Variants in VPS13B observed in about 807,000 individuals in gnomAD.
VPS13B encodes the protein intermembrane lipid transfer protein VPS13B.
VPS13B carries 285 observed loss-of-function variants against 426.4 expected under a neutral mutation model. The observed-to-expected ratio is 0.67, with a 90% CI of 0.61 to 0.74. VPS13B has a LOEUF of 0.74. VPS13B is among the 30% of genes least tolerant of loss of function. The pLI is 0.00. For synonymous variants in VPS13B, 1,676 were observed against 1,676.4 expected (o/e 1.00, Z 0.01); for missense variants, 4,537 against 4,782.6 (o/e 0.95, Z 1.51).
At chr8:99,871,160 T>C (rs1817389124) in intron 60 of VPS13B, 4 of 598,990 alleles carry the variant, frequency 6.7e-6, no homozygotes, top group Non-Finnish European at 1.2e-5. Context: ...CTAGAGGGCC[T>C]GAGATTCCCT....
chr8:99,450,689 G>A (rs1188222910), intron 23 of VPS13B, among the ~76,000 whole-genome samples: 1 of 152,050 alleles, frequency 6.6e-6, no homozygotes, highest in East Asian at 1.9e-4. Flanking sequence ...CTCCAGCCTG[G>A]TGACAGAGCA....
intron 39 of VPS13B, among the ~76,000 whole-genome samples, chr8:99,725,682 C>T (rs1287482621): frequency 1.3e-5 from 2 of 152,218 alleles, no homozygotes; most frequent in Admixed American, 1.3e-4. Context: ...TGTTTCATAT[C>T]ATTCAAAAGT....
chr8:99,397,379 G>A (rs1428171675), intron 21 of VPS13B, among the ~76,000 whole-genome samples: 2 of 152,088 alleles, frequency 1.3e-5, no homozygotes, highest in East Asian at 1.9e-4. Context: ...TCTTGACCTC[G>A]TGATCTGCCC....
chr8:99,637,580 C>T (rs1048296757), intron 33 of VPS13B, among the ~76,000 whole-genome samples: 25 of 152,094 alleles, frequency 1.6e-4, no homozygotes, highest in African/African-American at 5.6e-4. Context: ...CATCCTGCCA[C>T]TGCTGGTTAT....
chr8:99,196,344 G>A (rs1235483471), intron 17 of VPS13B, among the ~76,000 whole-genome samples: 5 of 151,264 alleles, frequency 3.3e-5, no homozygotes, highest in African/African-American at 9.7e-5. Flanking sequence ...TTTTTGGATA[G>A]TTTTAGTTTT....
At chr8:99,269,896 A>G (rs1344040805) in intron 17 of VPS13B, among the ~76,000 whole-genome samples, 1 of 152,058 alleles carries the variant, frequency 6.6e-6, no homozygotes, top group African/African-American at 2.4e-5. Flanking sequence ...TCAAGAGATG[A>G]ATATAACTTT....
intron 61 of VPS13B, among the ~76,000 whole-genome samples, chr8:99,871,907 C>T (rs538989885): frequency 6.6e-6 from 1 of 152,344 alleles, no homozygotes; most frequent in East Asian, 1.9e-4. Context: ...TGCACATAAG[C>T]CCTGTATAGG....
At chr8:99,467,376 TTG>T in intron 23 of VPS13B, 36 bp from the exon 24 acceptor site, 4 of 1,578,050 alleles carry the variant, frequency 2.5e-6, no homozygotes, top group Non-Finnish European at 3.5e-6. Context: ...GTCTTTTTGT[TTG>T]TGTGCTTCCC....
Position 99,299,374 on chromosome 8 carries a change from C to T in VPS13B, c.2824+24120C>T, listed in dbSNP as rs77785149. Among the ~76,000 whole-genome samples the T allele has an allele frequency of 2.8e-3, 430 of 151,934 alleles. 8 individuals carry two copies. In the East Asian group the frequency reaches 0.046, roughly 16 times the overall value. ...ACTGTACCCGGCCAAGTTATTCCAC[C>T]GCTTTACGTTTTAATTTCTTCATTA... On this transcript the variant is annotated intron_variant, in intron 19 of 61. Transcript: ENST00000357162.
intron 35 of VPS13B, among the ~76,000 whole-genome samples, chr8:99,676,562 TG>T (rs78218443): frequency 0.043 from 6,476 of 152,068 alleles, 150 homozygotes; most frequent in East Asian, 0.059. Context: ...TCTCTGAATT[TG>T]CTACTTGGGG....
intron 17 of VPS13B, among the ~76,000 whole-genome samples, chr8:99,207,312 C>CAT (rs1443639089): frequency 2.0e-5 from 3 of 152,078 alleles, no homozygotes; most frequent in Admixed American, 6.6e-5. Context: ...ACAAGCTTAG[C>CAT]ATTCTAATAA....
chr8:99,611,766 A>G (rs1175424095), intron 33 of VPS13B, among the ~76,000 whole-genome samples: 4 of 152,074 alleles, frequency 2.6e-5, no homozygotes, highest in African/African-American at 9.7e-5. Context: ...TAGCCTTTCT[A>G]TAAACTTTAA....
At chr8:99,309,061 A>C (rs939967847) in intron 19 of VPS13B, among the ~76,000 whole-genome samples, 1 of 151,958 alleles carries the variant, frequency 6.6e-6, no homozygotes, top group African/African-American at 2.4e-5. Flanking sequence ...GTTTGAATTC[A>C]TTGTAGATTC....
intron 17 of VPS13B, among the ~76,000 whole-genome samples, chr8:99,240,253 T>C (rs1156623299): frequency 6.6e-6 from 1 of 152,222 alleles, no homozygotes; most frequent in Non-Finnish European, 1.5e-5. Context: ...TTTTAAAGAA[T>C]ATTAATAAGG....
chr8:99,266,210 AAGAATT>A (rs1818288229), intron 17 of VPS13B, among the ~76,000 whole-genome samples: 1 of 151,958 alleles, frequency 6.6e-6, no homozygotes, highest in Non-Finnish European at 1.5e-5. Context: ...TTGGTGGAAA[AAGAATT>A]AGGGTTAGCC....
At chr8:99,254,879 G>T (rs1231387744) in intron 17 of VPS13B, among the ~76,000 whole-genome samples, 2 of 152,068 alleles carry the variant, frequency 1.3e-5, no homozygotes, top group Non-Finnish European at 2.9e-5. Context: ...CTGACCTCAG[G>T]TGATCCACCC....
intron 3 of VPS13B, among the ~76,000 whole-genome samples, chr8:99,044,915 C>A (rs1263703568): frequency 6.6e-6 from 1 of 151,060 alleles, no homozygotes; most frequent in South Asian, 2.1e-4. Context: ...CCCGCCCCCA[C>A]GGTTTCTTTA....
At chr8:99,799,607 T>A (rs1813024817) in intron 43 of VPS13B, among the ~76,000 whole-genome samples, 1 of 152,216 alleles carries the variant, frequency 6.6e-6, no homozygotes, top group African/African-American at 2.4e-5. Flanking sequence ...ATCCATCTAT[T>A]GACTTCTTTT....
chr8:99,755,770 A>AAAATAAAT (rs535898763), intron 39 of VPS13B, among the ~76,000 whole-genome samples: 2 of 152,060 alleles, frequency 1.3e-5, no homozygotes, highest in African/African-American at 4.8e-5. Flanking sequence ...CTCCATCTCA[A>AAAATAAAT]AAATAAATAA....
Sources: gnomAD v4.1 joint callset for allele counts (sites outside exome capture counted in the v4.1 genomes callset) on GRCh38, gnomAD v4.1.1 for gene constraint, MANE v1.5 for transcripts, NCBI Gene and HGNC (gene_info 2026-07-23, HGNC 2026-07-21) for gene names.